The following SLC25A48 variants were observed in gnomAD, a reference collection of about 807,000 sequenced individuals.
SLC25A48 encodes CTC-321K16.1.
In SLC25A48, 29 loss-of-function variants were observed where a neutral mutation model predicts 32.2. That is an observed-to-expected ratio of 0.90 (90% CI 0.67 to 1.23). The LOEUF is 1.23. Ranked by LOEUF, SLC25A48 falls within the 50% of genes most tolerant of loss-of-function variation. The pLI, the probability that SLC25A48 is intolerant of heterozygous loss-of-function variation, is 0.00. For missense variants in SLC25A48, 399 were observed against 422.7 expected, an observed-to-expected ratio of 0.94 and a Z score of 0.49; for synonymous variants, 164 against 172.3, an observed-to-expected ratio of 0.95 and a Z score of 0.38.
chr5:135,688,957 A>ACATAT (rs1754081577), intron 3 of SLC25A48, among the ~76,000 whole-genome samples: 1 of 152,170 alleles, frequency 6.6e-6, no homozygotes, highest in African/African-American at 2.4e-5. Context: ...TATGTTTCTG[A>ACATAT]GTGCATCCTC....
At chr5:135,842,547 C>A in intron 2 of SLC25A48, 88 bp downstream of exon 2, 1 of 1,347,176 alleles carries the variant, frequency 7.4e-7, no homozygotes, top group Non-Finnish European at 1.1e-6. Context: ...TCTAATCTCT[C>A]AGAGAGTCTT....
At chr5:135,580,654 C>G (rs908872181) in intron 1 of SLC25A48, among the ~76,000 whole-genome samples, 1 of 152,058 alleles carries the variant, frequency 6.6e-6, no homozygotes, top group Non-Finnish European at 1.5e-5. Flanking sequence ...TGACTTTTGG[C>G]ATTTATGTTA....
chr5:135,802,151 T>C (rs1726574380), intron 3 of SLC25A48, among the ~76,000 whole-genome samples: 1 of 148,692 alleles, frequency 6.7e-6, no homozygotes, highest in South Asian at 2.1e-4. Context: ...ATATTACTCC[T>C]AATATCACAG....
chr5:135,722,292 C>G (rs1754974967), intron 3 of SLC25A48, among the ~76,000 whole-genome samples: 1 of 152,196 alleles, frequency 6.6e-6, no homozygotes, highest in African/African-American at 2.4e-5. Context: ...GTTTGTCTCT[C>G]TGATGGTTCA....
At chr5:135,658,376 A>T (rs1024486927) in intron 3 of SLC25A48, among the ~76,000 whole-genome samples, 1 of 152,188 alleles carries the variant, frequency 6.6e-6, no homozygotes, top group African/African-American at 2.4e-5. Flanking sequence ...TCCAGGGCAC[A>T]CTGATGCTAA....
chr5:135,684,032 C>T (rs779300821), intron 3 of SLC25A48, among the ~76,000 whole-genome samples: 27 of 152,108 alleles, frequency 1.8e-4, no homozygotes, highest in Middle Eastern at 3.2e-3. Context: ...GAGACCCATT[C>T]GGTTTTCTTG....
At chr5:135,643,376 C>T (rs955964799) in intron 3 of SLC25A48, among the ~76,000 whole-genome samples, 3 of 152,150 alleles carry the variant, frequency 2.0e-5, no homozygotes, top group African/African-American at 7.2e-5. Flanking sequence ...TCTATGGTGA[C>T]CAATTCAGAA....
intron 3 of SLC25A48, among the ~76,000 whole-genome samples, chr5:135,718,598 T>C (rs769641416): frequency 6.6e-6 from 1 of 152,244 alleles, no homozygotes; most frequent in Non-Finnish European, 1.5e-5. Context: ...TTTTTATTAT[T>C]ATGATGATTC....
intron 2 of SLC25A48, among the ~76,000 whole-genome samples, chr5:135,631,088 C>T (rs192774608): frequency 1.6e-4 from 25 of 152,234 alleles, no homozygotes; most frequent in African/African-American, 4.1e-4. Flanking sequence ...CAGAAAGCCT[C>T]GAGTTAGATG....
At chr5:135,858,033 A>G (rs1028576219) in intron 4 of SLC25A48, among the ~76,000 whole-genome samples, 2 of 152,134 alleles carry the variant, frequency 1.3e-5, no homozygotes, top group African/African-American at 4.8e-5. Context: ...ATGTCTCAGG[A>G]TAGGTAAGAT....
intron 3 of SLC25A48, among the ~76,000 whole-genome samples, chr5:135,776,244 AGAGGAT>A (rs1402849249): frequency 7.0e-6 from 1 of 142,262 alleles, no homozygotes; most frequent in Admixed American, 7.2e-5. Context: ...TAAACCTACC[AGAGGAT>A]ATTGTTCCTC....
In SLC25A48 at chr5:135,642,283, A is replaced by T. The variant is rs2126917624; in HGVS notation, c.-521+7327A>T. ...TTACTAGGGCCAGATGGCTGCTTTT[A>T]AGGCAAAGGTAGAGCTTGGGATGAA... On this transcript the variant is annotated intron_variant, in intron 3 of 10. Coordinates refer to the SLC25A48 transcript ENST00000646290. Among the ~76,000 whole-genome samples, 2 of 152,306 alleles carry T rather than the reference A, an allele frequency of 1.3e-5. 1 individual carries two copies.
chr5:135,734,925 G>A (rs1027145178), intron 3 of SLC25A48, among the ~76,000 whole-genome samples: 1 of 152,206 alleles, frequency 6.6e-6, no homozygotes, highest in Non-Finnish European at 1.5e-5. Flanking sequence ...AGGCAATTGG[G>A]CAGCGTCAGC....
chr5:135,586,580 G>A (rs770285992), intron 1 of SLC25A48, among the ~76,000 whole-genome samples: 3 of 152,180 alleles, frequency 2.0e-5, no homozygotes, highest in African/African-American at 4.8e-5. Context: ...GGAGAGAAAG[G>A]CTAGGCACAC....
chr5:135,589,746 G>A (rs1479823455), intron 1 of SLC25A48, among the ~76,000 whole-genome samples: 1 of 152,138 alleles, frequency 6.6e-6, no homozygotes. Flanking sequence ...CCAGGCTGGA[G>A]TGCAGTGGCA....
At chr5:135,681,253 C>T (rs938979180) in intron 3 of SLC25A48, among the ~76,000 whole-genome samples, 7 of 152,326 alleles carry the variant, frequency 4.6e-5, no homozygotes, top group South Asian at 2.1e-4. Context: ...GGATTGCAGG[C>T]GTGAGCCACT....
intron 3 of SLC25A48, among the ~76,000 whole-genome samples, chr5:135,757,209 A>C (rs1755936211): frequency 6.7e-6 from 1 of 149,980 alleles, no homozygotes; most frequent in African/African-American, 2.4e-5. Flanking sequence ...AATGTCATCT[A>C]TATTATATTC....
chr5:135,623,110 A>T (rs1752363820), intron 1 of SLC25A48, among the ~76,000 whole-genome samples: 1 of 152,214 alleles, frequency 6.6e-6, no homozygotes. Context: ...ACCTATAAAC[A>T]TGCTGCTCCA....
chr5:135,594,660 G>A (rs1283668750), intron 1 of SLC25A48, among the ~76,000 whole-genome samples: 1 of 152,184 alleles, frequency 6.6e-6, no homozygotes, highest in Non-Finnish European at 1.5e-5. Context: ...TGGCCCCCAA[G>A]GGGAAGAGCA....
Sources: allele counts gnomAD v4.1 joint callset (sites outside exome capture counted in the v4.1 genomes callset), GRCh38; gene constraint gnomAD v4.1.1; transcripts MANE v1.5; gene names NCBI Gene and HGNC (gene_info 2026-07-23, HGNC 2026-07-21).